WDFY4: variants seen among roughly 807,000 people sequenced by gnomAD.
The protein encoded by WDFY4 is WDFY family member 4, also known as WD repeat- and FYVE domain-containing protein 4.
In WDFY4, 169 loss-of-function variants were observed where a neutral mutation model predicts 351.9. The observed-to-expected ratio is 0.48, with a 90% CI of 0.42 to 0.55. WDFY4 has a LOEUF of 0.55. WDFY4 is among the 20% of genes least tolerant of loss of function. The pLI is 0.00. For missense variants in WDFY4, 3,803 were observed against 3,935.6 expected (o/e 0.97, Z 0.90); for synonymous variants, 1,622 against 1,574.6 (o/e 1.03, Z -0.71).
intron 57 of WDFY4, among the ~76,000 whole-genome samples, chr10:48,973,397 G>A (rs967479738): frequency 4.6e-5 from 7 of 152,156 alleles, no homozygotes; most frequent in East Asian, 1.9e-4. Context: ...TCTGGTTGGC[G>A]TCATGTTAGG....
chr10:48,852,337 C>T (rs572050632), intron 39 of WDFY4, among the ~76,000 whole-genome samples: 1 of 152,340 alleles, frequency 6.6e-6, no homozygotes, highest in East Asian at 1.9e-4. Flanking sequence ...TCGATATCTT[C>T]TCCTGTAAAA....
At chr10:48,972,008 C>T (rs1226410788) in intron 57 of WDFY4, among the ~76,000 whole-genome samples, 4 of 152,224 alleles carry the variant, frequency 2.6e-5, no homozygotes, top group Non-Finnish European at 4.4e-5. Context: ...TTCTATCATC[C>T]TCTGAGTTCC....
At chr10:48,839,879 A>T (rs983180839) in intron 39 of WDFY4, among the ~76,000 whole-genome samples, 6 of 152,238 alleles carry the variant, frequency 3.9e-5, no homozygotes, top group African/African-American at 1.4e-4. Flanking sequence ...ATGTTCTAAG[A>T]CCTTCTGCTA....
chr10:48,732,524 C>T (rs1454636602), intron 9 of WDFY4, among the ~76,000 whole-genome samples: 3 of 152,190 alleles, frequency 2.0e-5, no homozygotes, highest in Middle Eastern at 3.2e-3. Context: ...GCCAAGGTCA[C>T]CAGTCTGTCT....
chr10:48,734,779 C>CT (rs779399565), intron 10 of WDFY4, among the ~76,000 whole-genome samples: 5,851 of 140,206 alleles, frequency 0.042, 362 homozygotes, highest in African/African-American at 0.13. Flanking sequence ...CAGGAATCTA[C>CT]TTTTTTTTTT....
chr10:48,789,820 A>G (rs568016443), intron 21 of WDFY4, 54 bp from the exon 22 acceptor site: 10 of 1,529,572 alleles, frequency 6.5e-6, no homozygotes, highest in Admixed American at 2.0e-5. Context: ...CTCGTGGACA[A>G]TGCTTCTTCT....
chr10:48,935,373 C>T (rs891543556), intron 47 of WDFY4, among the ~76,000 whole-genome samples: 3 of 152,238 alleles, frequency 2.0e-5, no homozygotes, highest in African/African-American at 4.8e-5. Flanking sequence ...CCCCAGGGCT[C>T]ACCCCCTGTG....
intron 47 of WDFY4, among the ~76,000 whole-genome samples, chr10:48,922,686 G>A (rs1479777215): frequency 1.3e-5 from 2 of 152,166 alleles, no homozygotes; most frequent in East Asian, 1.9e-4. Flanking sequence ...GTGGGTAAGC[G>A]AGGACTGTGG....
chr10:48,806,949 A>G (rs2067277250), intron 27 of WDFY4, among the ~76,000 whole-genome samples: 1 of 152,246 alleles, frequency 6.6e-6, no homozygotes, highest in Non-Finnish European at 1.5e-5. Flanking sequence ...TATCATCACA[A>G]AAGAGTCTCC....
chr10:48,735,820 G>A (rs914478032), intron 10 of WDFY4, 60 bp from the exon 11 acceptor site: 4 of 1,412,362 alleles, frequency 2.8e-6, no homozygotes, highest in Middle Eastern at 2.1e-4. Flanking sequence ...TCTTTTGATT[G>A]AAACTGAAGT....
At chr10:48,729,798 G>T (rs550132690) in intron 8 of WDFY4, among the ~76,000 whole-genome samples, 11 of 152,154 alleles carry the variant, frequency 7.2e-5, no homozygotes, top group Non-Finnish European at 1.6e-4. Context: ...AAATAACGGA[G>T]GCAGCCTCTA....
At chr10:48,855,848 A>G (rs2069114014) in intron 39 of WDFY4, among the ~76,000 whole-genome samples, 1 of 152,044 alleles carries the variant, frequency 6.6e-6, no homozygotes, top group Non-Finnish European at 1.5e-5. Context: ...TTGTTACAGT[A>G]TATTACTATA....
chr10:48,862,084 T>C (rs989119200), intron 39 of WDFY4, among the ~76,000 whole-genome samples: 1 of 152,176 alleles, frequency 6.6e-6, no homozygotes, highest in Non-Finnish European at 1.5e-5. Context: ...ATGTTTTAAA[T>C]TTGTAGTTGT....
At position 48,774,600 on chromosome 10, in the gene WDFY4, G is replaced by A. The variant is rs1231735276; in HGVS notation, c.2696G>A (p.Ser899Asn). ...SCHRALVTSG[S>N]PLHSRLIRIF... ...CACAGGGCCCTGGTCACCAGTGGCAGCCCCCTCCACTCACGCCTCATCAGG... is the reference window on the plus strand; with the variant it reads ...CACAGGGCCCTGGTCACCAGTGGCAACCCCCTCCACTCACGCCTCATCAGG... Residue 899 changes from serine to asparagine, a missense_variant, in exon 14 of 62, where the codon AGC becomes AAC. Physicochemically the swap from Ser to Asn is conservative, Grantham distance 46 (BLOSUM62 1). Around this residue, in one of 3 missense-constraint regions of WDFY4, gnomAD observed 3,054 missense variants for 3,148.6 expected, o/e 0.97. Transcript: ENST00000325239. 3 of 1,551,588 alleles carry A rather than the reference G, an allele frequency of 1.9e-6. No individual in the cohort carries two copies. The highest frequency in any genetic ancestry group is 2.6e-6 in the Non-Finnish European group (3 of 1,146,996).
intron 15 of WDFY4, 32 bp downstream of exon 15, chr10:48,775,838 A>G (rs1372563211): frequency 1.3e-5 from 20 of 1,530,816 alleles, no homozygotes; most frequent in Middle Eastern, 3.3e-4. Flanking sequence ...GGGCAGGTTA[A>G]TGGGAAGTAA....
chr10:48,734,523 C>CATAT (rs10653287), intron 10 of WDFY4, among the ~76,000 whole-genome samples: 15,044 of 144,710 alleles, frequency 0.1, 1,010 homozygotes, highest in African/African-American at 0.19. Context: ...ATAATATGTG[C>CATAT]ATATATATAT....
chr10:48,897,400 G>C (rs866032582), intron 44 of WDFY4, 54 bp from the exon 45 acceptor site: 1 of 1,533,544 alleles, frequency 6.5e-7, no homozygotes, highest in Non-Finnish European at 8.8e-7. Flanking sequence ...AAGCCTGCAC[G>C]TGTCCTCACT....
intron 51 of WDFY4, 39 bp downstream of exon 51, chr10:48,947,008 AC>A: frequency 7.2e-7 from 1 of 1,381,004 alleles, no homozygotes; most frequent in Non-Finnish European, 1.0e-6. Context: ...ACACACACAC[AC>A]ACACACACAC....
chr10:48,742,888 C>T (rs1041961059), intron 11 of WDFY4, 80 bp from the exon 12 acceptor site: 26 of 1,322,562 alleles, frequency 2.0e-5, no homozygotes, highest in Middle Eastern at 3.8e-4. Flanking sequence ...GCTAGTGGGA[C>T]GCTCTGGCAG....
Sources: allele counts gnomAD v4.1 joint callset (sites outside exome capture counted in the v4.1 genomes callset), GRCh38; gene constraint gnomAD v4.1.1; regional missense constraint gnomAD v4.1.1; transcripts MANE v1.5; gene names NCBI Gene and HGNC (gene_info 2026-07-23, HGNC 2026-07-21).